RAD54B: variants seen among roughly 807,000 people sequenced by gnomAD.
The protein encoded by RAD54B is RAD54 homolog B.
A neutral mutation model predicts 95.8 loss-of-function variants in RAD54B; 78 were observed. The ratio of observed to expected loss-of-function variants is 0.81; its 90% CI spans 0.68 to 0.98. The LOEUF is 0.98. Among genes scored for constraint, RAD54B ranks in the 50% least tolerant of loss-of-function variants. The pLI is 0.00. For missense variants in RAD54B, 957 were observed against 1,056.6 expected (o/e 0.91, Z 1.31); for synonymous variants, 328 against 354.9 (o/e 0.92, Z 0.85).
At chr8:94,457,633 A>G (rs977664085) in intron 3 of RAD54B, among the ~76,000 whole-genome samples, 2 of 152,240 alleles carry the variant, frequency 1.3e-5, no homozygotes, top group Non-Finnish European at 2.9e-5. Flanking sequence ...GAATCTGTTC[A>G]TTCAACCAAA....
At chr8:94,407,315 A>G (rs751906306) in intron 5 of RAD54B, 124 bp downstream of exon 5, 41 of 901,514 alleles carry the variant, frequency 4.5e-5, no homozygotes, top group Non-Finnish European at 6.7e-5. Flanking sequence ...GTCAGATTAT[A>G]TATCTCAAGA....
At chr8:94,417,746 A>C (rs916311714) in intron 3 of RAD54B, among the ~76,000 whole-genome samples, 14 of 152,228 alleles carry the variant, frequency 9.2e-5, no homozygotes, top group Non-Finnish European at 1.5e-4. Context: ...CAGGTAAATC[A>C]ACCTGCCAAA....
At chr8:94,439,782 G>A (rs1278763791) in intron 3 of RAD54B, among the ~76,000 whole-genome samples, 1 of 152,182 alleles carries the variant, frequency 6.6e-6, no homozygotes, top group Non-Finnish European at 1.5e-5. Flanking sequence ...GAAAGGAAAT[G>A]TATGTTCAGG....
chr8:94,444,410 T>TAAAAA lies in RAD54B; in HGVS notation c.304+13853_304+13857dup, dbSNP rs61282884. Among the ~76,000 whole-genome samples, 447 of 137,920 alleles carry TAAAAA rather than the reference T, an allele frequency of 3.2e-3. 3 individuals are homozygous for TAAAAA. Among genetic ancestry groups the TAAAAA allele is most frequent in the African/African-American group, 0.01 (386 of 37,648 alleles). The allele number at this position is 137,920 out of a possible 152,430, so 90.5% of individuals were successfully genotyped here. A position where few individuals can be genotyped will look rare whatever the true frequency, so the allele number is the denominator to read the frequency against. On this transcript the variant is annotated intron_variant, in intron 3 of 14. Transcript: ENST00000336148. ...TGTTCACTGCAGAGGTTTTAATAGT[T>TAAAAA]AAAAAAAAAAAAAAACTAAAACTAA... is the stretch of plus-strand genomic sequence containing the variant.
intron 3 of RAD54B, among the ~76,000 whole-genome samples, chr8:94,456,017 C>T (rs948010953): frequency 6.6e-6 from 1 of 152,148 alleles, no homozygotes; most frequent in African/African-American, 2.4e-5. Flanking sequence ...TTCCCCTCTC[C>T]CAGAATTTGG....
chr8:94,378,703 G>T (rs1810661236), intron 12 of RAD54B, 69 bp from the exon 13 acceptor site: 1 of 1,046,862 alleles, frequency 9.6e-7, no homozygotes, highest in Non-Finnish European at 1.4e-6. Flanking sequence ...CATGCAATTT[G>T]CAGAAATATG....
intron 6 of RAD54B, among the ~76,000 whole-genome samples, chr8:94,402,542 C>A (rs1811289934): frequency 6.6e-6 from 1 of 152,196 alleles, no homozygotes; most frequent in South Asian, 2.1e-4. Flanking sequence ...GTGTAAGCCA[C>A]CATGCCCAGC....
chr8:94,419,886 T>A (rs1811762557), intron 3 of RAD54B, among the ~76,000 whole-genome samples: 2 of 152,132 alleles, frequency 1.3e-5, no homozygotes, highest in South Asian at 4.1e-4. Flanking sequence ...AAGGTTTTGA[T>A]CAACCACAGA....
intron 3 of RAD54B, among the ~76,000 whole-genome samples, chr8:94,456,731 G>C (rs937566886): frequency 6.6e-6 from 1 of 152,180 alleles, no homozygotes. Context: ...GAATGAAAAA[G>C]ATGTGAAAGG....
intron 1 of RAD54B, 112 bp from the exon 2 acceptor site, chr8:94,467,667 C>T (rs1332463979): frequency 2.1e-5 from 22 of 1,046,116 alleles, no homozygotes; most frequent in Non-Finnish European, 2.9e-5. Context: ...CTCTTATGGG[C>T]CTGCCTGGCC....
chr8:94,471,271 G>C (rs1373359813), intron 1 of RAD54B, among the ~76,000 whole-genome samples: 8 of 149,642 alleles, frequency 5.3e-5, no homozygotes, highest in East Asian at 2.0e-4. Context: ...TGGGTGGCGG[G>C]GGGGGGCAGT....
At chr8:94,383,788 T>G (rs1810800093) in intron 11 of RAD54B, among the ~76,000 whole-genome samples, 1 of 152,164 alleles carries the variant, frequency 6.6e-6, no homozygotes, top group Non-Finnish European at 1.5e-5. Context: ...TCGATATCAC[T>G]AATCATTAGA....
intron 10 of RAD54B, among the ~76,000 whole-genome samples, chr8:94,387,634 G>A (rs1008141097): frequency 2.0e-5 from 3 of 151,970 alleles, no homozygotes; most frequent in African/African-American, 7.3e-5. Flanking sequence ...AAGCACTATC[G>A]TTTACTTAAT....
chr8:94,428,401 T>C, intron 3 of RAD54B: 1 of 805,266 alleles, frequency 1.2e-6, no homozygotes, highest in Non-Finnish European at 1.5e-6. Context: ...GGACACCCCC[T>C]ACCCCATCAA....
intron 14 of RAD54B, 77 bp from the exon 15 acceptor site, chr8:94,372,464 ATAAT>A (rs1810464062): frequency 6.5e-7 from 1 of 1,547,212 alleles, no homozygotes; most frequent in African/African-American, 1.4e-5. Context: ...TTGTTTTATG[ATAAT>A]TAGTTTATGT....
rs574650245 is a variant in RAD54B, at chr8:94,436,999, G to A, written c.304+21269C>T. 5 of 1,395,014 alleles carry A rather than the reference G, an allele frequency of 3.6e-6. No homozygotes were observed. In the African/African-American group the frequency reaches 5.9e-5, roughly 16 times the overall value. The allele number at this position is 1,395,014 out of a possible 1,614,324, so 86.4% of individuals were successfully genotyped here. On this transcript the variant is annotated intron_variant, in intron 3 of 14. Transcript: ENST00000336148. ...CTCATTTAGGCCCACGCCTACAGGG[G>A]AGGGTTTATTAAAATTCCTCCAGCT...
chr8:94,460,450 A>G (rs2130183457), intron 2 of RAD54B, among the ~76,000 whole-genome samples: 1 of 152,344 alleles, frequency 6.6e-6, no homozygotes, highest in Non-Finnish European at 1.5e-5. Context: ...CAGCCTGGGC[A>G]ACAGAGCCAG....
intron 13 of RAD54B, 68 bp from the exon 14 acceptor site, chr8:94,378,448 T>C: frequency 6.8e-7 from 1 of 1,468,626 alleles, no homozygotes; most frequent in South Asian, 1.2e-5. Flanking sequence ...GGGTATAATG[T>C]TTAGTAACAT....
intron 2 of RAD54B, among the ~76,000 whole-genome samples, chr8:94,459,451 T>C (rs1400072509): frequency 1.3e-5 from 2 of 151,782 alleles, no homozygotes; most frequent in Non-Finnish European, 2.9e-5. Flanking sequence ...ATACCCGGCC[T>C]TAAAAAGCTC....
Sources: gnomAD v4.1 joint callset for allele counts (sites outside exome capture counted in the v4.1 genomes callset) on GRCh38, gnomAD v4.1.1 for gene constraint, MANE v1.5 for transcripts, NCBI Gene and HGNC (gene_info 2026-07-23, HGNC 2026-07-21) for gene names.